The following SLC25A27 variants were observed in gnomAD, a reference collection of about 807,000 sequenced individuals.
The protein encoded by SLC25A27 is solute carrier family 25 member 27, also known as mitochondrial uncoupling protein 4.
SLC25A27 carries 35 observed loss-of-function variants against 49.1 expected under a neutral mutation model. The observed-to-expected ratio is 0.71, with a 90% CI of 0.54 to 0.95. The LOEUF (loss-of-function observed/expected upper bound fraction) is 0.95, where lower values mean the gene tolerates loss of function less well. Ranked by LOEUF, SLC25A27 falls within the 40% of genes least tolerant of loss-of-function variation. The probability of loss-of-function intolerance (pLI) is 0.00; values close to 1 mark genes in which losing one functional copy is unlikely to be tolerated. For synonymous variants in SLC25A27, 144 were observed against 136.9 expected, an observed-to-expected ratio of 1.05 and a Z score of -0.36; for missense variants, 339 against 397.1, an observed-to-expected ratio of 0.85 and a Z score of 1.24.
Position 46,658,946 on chromosome 6 carries a change from G to T in SLC25A27, c.299-16G>T, listed in dbSNP as rs566615432. ...ATATAGCCAAAGTTACCTTTTTAAT[G>T]ATCTTTTTTACCCAGTGTATTCTGG... On this transcript the variant is annotated splice_polypyrimidine_tract_variant and intron_variant, in intron 2 of 8. Coordinates refer to ENST00000371347, the MANE Select transcript of SLC25A27 (RefSeq NM_004277.5). 19 of 1,587,726 alleles carry T rather than the reference G, an allele frequency of 1.2e-5. No individual in the cohort carries two copies. The highest frequency in any genetic ancestry group is 1.1e-4 in the East Asian group (5 of 44,742).
chr6:46,655,805 A>G, intron 1 of SLC25A27, 38 bp from the exon 2 acceptor site: 4 of 1,570,098 alleles, frequency 2.5e-6, no homozygotes, highest in Non-Finnish European at 3.5e-6. Context: ...GTTTCTCTGA[A>G]TGTTGTGGGT....
chr6:46,676,825 G>C lies in SLC25A27; in HGVS notation c.*371G>C. 1 of 713,074 alleles carries C rather than the reference G, an allele frequency of 1.4e-6. No homozygotes were observed. The highest frequency in any genetic ancestry group is 1.7e-5 in the South Asian group (1 of 59,912). 44.2% of individuals were successfully genotyped at this position (713,074 alleles called of 1,614,324 possible). A position where few individuals can be genotyped will look rare whatever the true frequency, so the allele number is the denominator to read the frequency against. ...AGGAGGGAGCCAGCATTTCAGATCTGAAGTAGACGATAGGAATGTGGAAGA... is the reference window on the plus strand; with the variant it reads ...AGGAGGGAGCCAGCATTTCAGATCTCAAGTAGACGATAGGAATGTGGAAGA... On this transcript the variant is annotated 3_prime_UTR_variant, in exon 9 of 9. Coordinates refer to ENST00000371347, the MANE Select transcript of SLC25A27 (RefSeq NM_004277.5).
intron 8 of SLC25A27, 64 bp from the exon 9 acceptor site, chr6:46,676,319 C>T: frequency 2.1e-6 from 3 of 1,410,448 alleles, no homozygotes; most frequent in Non-Finnish European, 3.0e-6. Flanking sequence ...TATATGTATG[C>T]ACATATGTAG....
chr6:46,669,284 C>T (rs142077988), intron 6 of SLC25A27, among the ~76,000 whole-genome samples: 1 of 152,258 alleles, frequency 6.6e-6, no homozygotes, highest in African/African-American at 2.4e-5. Context: ...TTGGAAGGAT[C>T]CACAAAGGAG....
At chr6:46,662,214 ACAGT>A (rs1473467947) in intron 3 of SLC25A27, among the ~76,000 whole-genome samples, 158 bp from the exon 4 acceptor site, 2 of 152,134 alleles carry the variant, frequency 1.3e-5, no homozygotes, top group African/African-American at 4.8e-5. Flanking sequence ...CCATCAGTAA[ACAGT>A]CAAACTGTTT....
rs959499796 is a variant in SLC25A27 at position 46,662,478 on chromosome 6, A to G, written c.486A>G (p.Lys162=). Reference sequence around the variant, plus strand: ...AGATGCAAATGGAAGGAAAAAGGAAACTGGAAGGAAAACCATTGCGGTAAG... The same window carrying G: ...AGATGCAAATGGAAGGAAAAAGGAAGCTGGAAGGAAAACCATTGCGGTAAG... ...KVQMQMEGKR[K]LEGKPLRFRG... is the part of the protein sequence containing the mutation. Residue 162 remains lysine, a synonymous_variant, in exon 4 of 9, where the codon AAA becomes AAG. Coordinates refer to ENST00000371347, the MANE Select transcript of SLC25A27 (RefSeq NM_004277.5). The G allele has an allele frequency of 6.2e-7, 1 of 1,613,992 alleles. No homozygotes were observed. The highest frequency in any genetic ancestry group is 8.5e-7 in the Non-Finnish European group (1 of 1,179,914).
intron 8 of SLC25A27, 26 bp from the exon 9 acceptor site, chr6:46,676,357 A>G (rs1009717109): frequency 1.2e-6 from 2 of 1,608,886 alleles, no homozygotes; most frequent in Non-Finnish European, 1.7e-6. Flanking sequence ...TGAAATATGC[A>G]CTAACTTCTT....
Position 46,653,052 on chromosome 6 carries a change from G to A in SLC25A27, c.-141G>A, listed in dbSNP as rs1484412151. 6.5e-6 allele frequency: 5 copies of A among 772,706 alleles called. 1 individual carries two copies. The highest frequency in any genetic ancestry group is 5.1e-5 in the South Asian group (3 of 58,804). 47.9% of individuals were successfully genotyped at this position (772,706 alleles called of 1,614,324 possible). A position where few individuals can be genotyped will look rare whatever the true frequency, so the allele number is the denominator to read the frequency against. On this transcript the variant is annotated 5_prime_UTR_variant, in exon 1 of 9. Coordinates refer to ENST00000371347, the MANE Select transcript of SLC25A27 (RefSeq NM_004277.5). ...TGCTAGGAAGGTTGCGGGTCCACCC[G>A]GCCGAGCCGAACGAGGGAAATGGTC...
chr6:46,668,654 A>T, intron 5 of SLC25A27, 55 bp from the exon 6 acceptor site: 1 of 1,007,758 alleles, frequency 9.9e-7, no homozygotes, highest in Non-Finnish European at 1.6e-6. Flanking sequence ...CATATTCTTG[A>T]CACAAAAGAC....
intron 1 of SLC25A27, among the ~76,000 whole-genome samples, chr6:46,655,535 G>GGTTTTTTTTTTTTTTTTTTTTTTTTTTT (rs1562033662): frequency 9.3e-5 from 1 of 10,710 alleles, no homozygotes; most frequent in Non-Finnish European, 2.0e-4. Flanking sequence ...GTTAATGTTT[G>GGTTTTTTTTTTTTTTTTTTTTTTTTTTT]TTTTTTTTTT....
At position 46,678,174 on chromosome 6, in the gene SLC25A27, C is replaced by T. The variant is rs1763871902; in HGVS notation, c.*1720C>T. 1 of 151,574 alleles carries T rather than the reference C, an allele frequency of 6.6e-6. No homozygotes were observed. The highest frequency in any genetic ancestry group is 2.4e-5 in the African/African-American group (1 of 41,230). The allele number at this position is 151,574 out of a possible 1,614,324, so 9.4% of individuals were successfully genotyped here. A position where few individuals can be genotyped will look rare whatever the true frequency, so the allele number is the denominator to read the frequency against. On this transcript the variant is annotated 3_prime_UTR_variant, in exon 9 of 9. Coordinates refer to ENST00000371347, the MANE Select transcript of SLC25A27 (RefSeq NM_004277.5). ...AAAGACTGGATCAAAATAATTGCAT[C>T]CAACCTGGACCGTGAACAATTGATT... is the stretch of plus-strand genomic sequence containing the variant.
intron 1 of SLC25A27, among the ~76,000 whole-genome samples, chr6:46,654,899 G>A (rs181477977): frequency 3.0e-4 from 46 of 152,240 alleles, no homozygotes; most frequent in African/African-American, 1.1e-3. Context: ...TCAGGTGGTG[G>A]TCATTGAAAA....
chr6:46,664,773 G>T lies in SLC25A27; in HGVS notation c.507-1G>T, dbSNP rs1446449743. The T allele has an allele frequency of 1.3e-6, 2 of 1,562,232 alleles. No homozygotes were observed. The highest frequency in any genetic ancestry group is 3.6e-5 in the Admixed American group (2 of 55,252). ...TCACATTTAATTATTATTCTCCTTA[G>T]ATTTCGTGGTGTACATCATGCATTT... On this transcript the variant is annotated splice_acceptor_variant, in intron 4 of 8. Transcript: ENST00000371347. LOFTEE classifies it high-confidence loss of function.
At chr6:46,661,369 A>C (rs1452690296) in intron 3 of SLC25A27, among the ~76,000 whole-genome samples, 1 of 152,184 alleles carries the variant, frequency 6.6e-6, no homozygotes, top group African/African-American at 2.4e-5. Context: ...TAAATGTTCA[A>C]ATTTCTTAAA....
At position 46,677,850 on chromosome 6, in the gene SLC25A27, A is replaced by T. The variant is rs1477187959; in HGVS notation, c.*1396A>T. 6.6e-6 allele frequency: 1 copy of T among 152,516 alleles called. No homozygotes were observed. Among genetic ancestry groups the T allele is most frequent in the Admixed American group, 6.5e-5 (1 of 15,274 alleles). 9.4% of individuals were successfully genotyped at this position (152,516 alleles called of 1,614,324 possible). A position where few individuals can be genotyped will look rare whatever the true frequency, so the allele number is the denominator to read the frequency against. On this transcript the variant is annotated 3_prime_UTR_variant, in exon 9 of 9. Coordinates refer to ENST00000371347, the MANE Select transcript of SLC25A27 (RefSeq NM_004277.5). Reference sequence around the variant, plus strand: ...AAGTGCTTTGTGGTTGCACTAATGTATACTCACTGCCATTTTAAGAGGGGG... The same window carrying T: ...AAGTGCTTTGTGGTTGCACTAATGTTTACTCACTGCCATTTTAAGAGGGGG...
chr6:46,657,666 A>G (rs1408438236), intron 2 of SLC25A27, among the ~76,000 whole-genome samples: 1 of 152,156 alleles, frequency 6.6e-6, no homozygotes, highest in Admixed American at 6.5e-5. Context: ...ATTTTTCTTC[A>G]CTTAAGAACT....
chr6:46,662,730 C>G (rs552708533), intron 4 of SLC25A27, among the ~76,000 whole-genome samples: 1 of 152,212 alleles, frequency 6.6e-6, no homozygotes, highest in Non-Finnish European at 1.5e-5. Flanking sequence ...GCTGCTTTTC[C>G]CAGCCAAGGC....
chr6:46,675,043 C>T (rs1031414392), intron 8 of SLC25A27, among the ~76,000 whole-genome samples: 42 of 152,172 alleles, frequency 2.8e-4, no homozygotes, highest in Admixed American at 2.6e-3. Flanking sequence ...CCCACATGTG[C>T]TACTCCTGTA....
chr6:46,662,269 C>T (rs1320302813), intron 3 of SLC25A27, 107 bp from the exon 4 acceptor site: 1 of 948,312 alleles, frequency 1.1e-6, no homozygotes, highest in Non-Finnish European at 1.6e-6. Flanking sequence ...CTTTTCTTTA[C>T]TTGATCTGAA....
Sources: allele counts gnomAD v4.1 joint callset (sites outside exome capture counted in the v4.1 genomes callset), GRCh38; gene constraint gnomAD v4.1.1; transcripts MANE v1.5; gene names NCBI Gene and HGNC (gene_info 2026-07-23, HGNC 2026-07-21).